MAMSTR: variants seen among roughly 807,000 people sequenced by gnomAD.
MAMSTR encodes MEF2-activating motif and SAP domain-containing transcriptional regulator.
Under a neutral mutation model 42.7 loss-of-function variants are expected in MAMSTR, and 41 were observed. The observed-to-expected ratio is 0.96, with a 90% confidence interval of 0.75 to 1.25. The LOEUF is 1.25. MAMSTR is among the 50% of genes most tolerant of loss of function. MAMSTR has a pLI of 0.00. For synonymous variants in MAMSTR, 265 were observed against 244.1 expected, an observed-to-expected ratio of 1.09 and a Z score of -0.80; for missense variants, 567 against 557.6, an observed-to-expected ratio of 1.02 and a Z score of -0.17.
At chr19:48,707,850 A>AG (rs780214584), downstream of MAMSTR, among the ~76,000 whole-genome samples, 1,225 of 100,132 alleles carry the variant, frequency 0.012, 3 homozygotes, top group Non-Finnish European at 0.02. Flanking sequence ...AAAGAAAGAA[A>AG]GAAAGAAAGA....
intron 5 of MAMSTR, 56 bp from the exon 6 acceptor site, chr19:48,714,964 G>T: frequency 1.7e-6 from 2 of 1,156,968 alleles, no homozygotes; most frequent in Non-Finnish European, 2.5e-6. Context: ...GGGAAAAGGC[G>T]TTCTGGGGTC....
rs2122311150 is a variant in MAMSTR at position 48,714,895 on chromosome 19, GA to G, written c.438del (p.Leu148SerfsTer28). ...ACTCCTGGTGGGCAGGGAGTGAGGG[GA>G]GAGGGCTTCATCCTGGTGATAATCG... ...SQQPHPRMKP[S>X]PLTPCPPGVP... On this transcript the variant is annotated frameshift_variant, in exon 6 of 10. Transcript: ENST00000318083. LOFTEE classifies it high-confidence loss of function. 1.9e-6 allele frequency: 3 copies of G among 1,606,440 alleles called. No individual in the cohort carries two copies. The Middle Eastern group carries it at 5.0e-4, about 266-fold the overall frequency.
chr19:48,713,094 G>T lies in MAMSTR; in HGVS notation c.*173C>A. The T allele has an allele frequency of 6.7e-6, 4 of 595,536 alleles. No individual in the cohort carries two copies. Among genetic ancestry groups the T allele is most frequent in the Non-Finnish European group, 1.1e-5 (4 of 362,454 alleles). The allele number at this position is 595,536 out of a possible 1,614,324, so 36.9% of individuals were successfully genotyped here. ...GGGGGATCATAAGGAGGCCAGGTAG[G>T]CAAAGTTAAGGCAGTTGCATGTCAG... is the stretch of plus-strand genomic sequence containing the variant. On this transcript the variant is annotated 3_prime_UTR_variant, in exon 10 of 10. Transcript: ENST00000318083.
chr19:48,710,602 T>G (rs1366084456), downstream of MAMSTR, among the ~76,000 whole-genome samples: 1 of 148,480 alleles, frequency 6.7e-6, no homozygotes, highest in Non-Finnish European at 1.5e-5. Flanking sequence ...ACCTATTTTT[T>G]TTTTTTTTTT....
chr19:48,716,740 A>G lies in MAMSTR; in HGVS notation c.62T>C (p.Leu21Pro). Residue 21 changes from leucine to proline, a missense_variant, in exon 3 of 10, where the codon CTC becomes CCC. Physicochemically the swap from Leu to Pro is moderately conservative, Grantham distance 98 (BLOSUM62 -3). Coordinates refer to ENST00000318083, the MANE Select transcript of MAMSTR (RefSeq NM_001130915.2). Reference sequence around the variant, plus strand: ...ATTCCGTCTGTGGATCCGAAGCTGGAGGACTGTGGAGGGAGGAGGGAGGTG... The same window carrying G: ...ATTCCGTCTGTGGATCCGAAGCTGGGGGACTGTGGAGGGAGGAGGGAGGTG... ...QIIRSKFRSV[L>P]QLRIHRRNQE... 2 of 1,317,578 alleles carry G rather than the reference A, an allele frequency of 1.5e-6. No individual in the cohort carries two copies. The highest frequency in any genetic ancestry group is 2.3e-5 in the South Asian group (1 of 43,422). 81.6% of individuals were successfully genotyped at this position (1,317,578 alleles called of 1,614,324 possible).
chr19:48,706,578 A>G, the MAMSTR span, among the ~76,000 whole-genome samples: 1 of 152,096 alleles, frequency 6.6e-6, no homozygotes, highest in Non-Finnish European at 1.5e-5. Context: ...TGGAGGTTGC[A>G]GTGAGCTGAG....
Position 48,714,432 on chromosome 19 carries a change from A to G in MAMSTR, c.657T>C (p.Ser219=). Residue 219 remains serine, a synonymous_variant, in exon 7 of 10, where the codon AGT becomes AGC. Coordinates refer to ENST00000318083, the MANE Select transcript of MAMSTR (RefSeq NM_001130915.2). ...GGCGCGGCCAGGGAGCACCCGCGGGACTGTCCTCGCGCCGCGGCTTCGGCC... is the reference window on the plus strand; with the variant it reads ...GGCGCGGCCAGGGAGCACCCGCGGGGCTGTCCTCGCGCCGCGGCTTCGGCC... The part of the protein sequence containing the change: ...RERPKPRRED[S]PAGAPWPRLK... The G allele has an allele frequency of 7.2e-7, 1 of 1,385,452 alleles. No individual in the cohort carries two copies. Among genetic ancestry groups the G allele is most frequent in the Non-Finnish European group, 9.2e-7 (1 of 1,081,294 alleles). The allele number at this position is 1,385,452 out of a possible 1,614,324, so 85.8% of individuals were successfully genotyped here.
intron 2 of MAMSTR, 48 bp downstream of exon 2, chr19:48,718,926 G>T: frequency 1.8e-6 from 2 of 1,136,030 alleles, no homozygotes; most frequent in African/African-American, 1.5e-5. Context: ...CCAGAGTACA[G>T]CATTCTCAGG....
chr19:48,714,013 A>G lies in MAMSTR; in HGVS notation c.756T>C (p.Pro252=). 1 of 1,606,450 alleles carries G rather than the reference A, an allele frequency of 6.2e-7. No homozygotes were observed. ...CCGGGGTATCCGCGGCACGTGGAAG[A>G]GGTGGCCTGTGAGATGCTGCGCTGG... The part of the protein sequence containing the change: ...VKPSAASHRP[P]LPRAADTPGT... The change falls in exon 8 of 10, where the codon CCT becomes CCC. Residue 252 remains proline (P), a synonymous_variant. Coordinates refer to ENST00000318083, the MANE Select transcript of MAMSTR (RefSeq NM_001130915.2).
At position 48,713,416 on chromosome 19, in the gene MAMSTR, T is replaced by G. The variant is rs1187598129; in HGVS notation, c.1099A>C (p.Arg367=). 4 of 1,612,592 alleles carry G rather than the reference T, an allele frequency of 2.5e-6. No homozygotes were observed. The South Asian group carries it at 4.4e-5, about 18-fold the overall frequency. Residue 367 remains arginine, a synonymous_variant, in exon 10 of 10, where the codon AGG becomes CGG. Transcript: ENST00000318083. ...SPTNSSSPSP[R]DPTDSLDWLE... is the part of the protein sequence containing the mutation. ...CAGTCCAGGGAGTCCGTGGGGTCCCTGGGAGAAGGGGAGGAGGAGTTCGTG... is the reference window on the plus strand; with the variant it reads ...CAGTCCAGGGAGTCCGTGGGGTCCCGGGGAGAAGGGGAGGAGGAGTTCGTG...
In MAMSTR at chr19:48,714,467, G is replaced by A. The variant is rs752299835; in HGVS notation, c.622C>T (p.Pro208Ser). 51 of 1,360,816 alleles carry A rather than the reference G, an allele frequency of 3.7e-5. No homozygotes were observed. In the African/African-American group the frequency reaches 6.5e-4, roughly 17 times the overall value. 84.3% of individuals were successfully genotyped at this position (1,360,816 alleles called of 1,614,324 possible). Residue 208 changes from proline (P) to serine (S), a missense_variant, in exon 7 of 10, where the codon CCC (proline) becomes TCC (serine). By Grantham distance (74) the Pro-to-Ser change is moderately conservative. Transcript: ENST00000318083. ...LLERMRGGAP[P>S]RERPKPRRED... is the part of the protein sequence containing the mutation. ...CGCCGCGGCTTCGGCCGCTCGCGGG[G>A]CGGCGCGCCGCCGCGCATGCGCTCC...
rs370423223 is a variant in MAMSTR at position 48,715,363 on chromosome 19, C to T, written c.324G>A (p.Pro108=). The T allele has an allele frequency of 2.6e-6, 4 of 1,544,826 alleles. No homozygotes were observed. Among genetic ancestry groups the T allele is most frequent in the Middle Eastern group, 1.7e-4 (1 of 5,814 alleles). Residue 108 remains proline (P), a synonymous_variant, in exon 5 of 10, where the codon CCG becomes CCA. Coordinates refer to ENST00000318083, the MANE Select transcript of MAMSTR (RefSeq NM_001130915.2). The part of the protein sequence containing the change: ...LTYHQYMPPE[P]RQGSRADPQA... ...GGGGGTCCGCCCTGGATCCCTGTCT[C>T]GGCTCTGGGGGCATGTACTGGTGGT...
chr19:48,715,782 A>G lies in MAMSTR; in HGVS notation c.98-15T>C. ...CGGATCCGAGACTGGAGAGACGGTGAAGGACCCTGAGAGGCCTGCAGGCAG... is the reference window on the plus strand; with the variant it reads ...CGGATCCGAGACTGGAGAGACGGTGGAGGACCCTGAGAGGCCTGCAGGCAG... On this transcript the variant is annotated splice_polypyrimidine_tract_variant and intron_variant, in intron 3 of 9. Coordinates refer to ENST00000318083, the MANE Select transcript of MAMSTR (RefSeq NM_001130915.2). 2 of 1,534,488 alleles carry G rather than the reference A, an allele frequency of 1.3e-6. No homozygotes were observed. Among genetic ancestry groups the G allele is most frequent in the Non-Finnish European group, 1.8e-6 (2 of 1,142,702 alleles).
chr19:48,713,681 C>A (rs2032828940), intron 9 of MAMSTR, 35 bp downstream of exon 9: 2 of 1,613,310 alleles, frequency 1.2e-6, no homozygotes, highest in South Asian at 2.2e-5. Flanking sequence ...AACCTCAGCC[C>A]CCACCTCCCC....
chr19:48,717,037 G>C (rs1601255721), intron 2 of MAMSTR: 9 of 1,060,484 alleles, frequency 8.5e-6, no homozygotes, highest in Non-Finnish European at 1.0e-5. Flanking sequence ...GAGCAAGCGT[G>C]TGCCCACCCC....
At chr19:48,705,846 T>C in the MAMSTR span, 31 of 166,338 alleles carry the variant, frequency 1.9e-4, no homozygotes, top group African/African-American at 2.2e-4. Context: ...TGCACCGTGA[T>C]TGGACTTGCG....
Position 48,719,025 on chromosome 19 carries a change from G to C in MAMSTR, c.7C>G (p.Leu3Val), listed in dbSNP as rs1015237570. The change falls in exon 2 of 10, where the codon CTG (leucine) becomes GTG (valine). Residue 3 changes from leucine to valine, a missense_variant. Physicochemically the swap from Leu to Val is conservative, Grantham distance 32. Transcript: ENST00000318083. The surrounding 1 kb of genome is among the most constrained non-coding windows in gnomAD (Gnocchi z 4.4). MT[L>V]AASSQRSQII... is the part of the protein sequence containing the mutation. ...TGGGAACGCTGGGAGGAAGCCGCCA[G>C]GGTCATTGCCAAGGCCGGGATGGGG... is the stretch of plus-strand genomic sequence containing the variant. The C allele has an allele frequency of 2.4e-5, 37 of 1,550,998 alleles. No individual in the cohort carries two copies. The highest frequency in any genetic ancestry group is 2.9e-5 in the Non-Finnish European group (33 of 1,146,792).
At chr19:48,715,814 A>G (rs1177846520) in intron 3 of MAMSTR, 47 bp from the exon 4 acceptor site, 3 of 1,513,294 alleles carry the variant, frequency 2.0e-6, no homozygotes, top group South Asian at 1.3e-5. Flanking sequence ...GCAGCAAGCC[A>G]GGCCGGGAGG....
Position 48,715,405 on chromosome 19 carries a change from G to C in MAMSTR, c.282C>G (p.Pro94=). 1 of 1,515,336 alleles carries C rather than the reference G, an allele frequency of 6.6e-7. No homozygotes were observed. The highest frequency in any genetic ancestry group is 8.8e-7 in the Non-Finnish European group (1 of 1,138,030). The allele number at this position is 1,515,336 out of a possible 1,614,324, so 93.9% of individuals were successfully genotyped here. ...ACTGGTGGTATGTCAAGTTCCCCCT[G>C]GGCTTGGACTCCCTCCAACGTTGGG... ...KISQRWRESK[P]RGNLTYHQYM... Residue 94 remains proline, a synonymous_variant, in exon 5 of 10, where the codon CCC becomes CCG. Coordinates refer to ENST00000318083, the MANE Select transcript of MAMSTR (RefSeq NM_001130915.2).
Sources: allele counts gnomAD v4.1 joint callset (sites outside exome capture counted in the v4.1 genomes callset), GRCh38; gene constraint gnomAD v4.1.1; non-coding constraint Gnocchi (gnomAD v3.1); transcripts MANE v1.5; gene names NCBI Gene and HGNC (gene_info 2026-07-23, HGNC 2026-07-21).